Variants in POLR1A observed in about 807,000 individuals in gnomAD.
POLR1A encodes RNA polymerase I subunit A, also known as DNA-directed RNA polymerase I subunit RPA1.
POLR1A carries 84 observed loss-of-function variants against 205.3 expected under a neutral mutation model. That is an observed-to-expected ratio of 0.41 (90% CI 0.34 to 0.49). The LOEUF (loss-of-function observed/expected upper bound fraction) is 0.49, where lower values mean the gene tolerates loss of function less well. Ranked by LOEUF, POLR1A falls within the 20% of genes least tolerant of loss-of-function variation. POLR1A has a pLI of 0.22. For missense variants in POLR1A, 1,645 were observed against 2,204.5 expected (o/e 0.75, Z 5.08); for synonymous variants, 799 against 863.7 (o/e 0.93, Z 1.31).
intron 28 of POLR1A, 100 bp downstream of exon 28, chr2:86,033,561 A>C: frequency 7.6e-7 from 1 of 1,317,040 alleles, no homozygotes; most frequent in Non-Finnish European, 1.1e-6. Context: ...ATGGGCCAGC[A>C]CCAGGATGGG....
rs1409698818 is a variant in POLR1A at position 86,020,753 on chromosome 2, T to A, written c.*6670A>T. 6.6e-6 allele frequency: 1 copy of A among 152,142 alleles called. No homozygotes were observed. The highest frequency in any genetic ancestry group is 1.5e-5 in the Non-Finnish European group (1 of 68,024). 9.4% of individuals were successfully genotyped at this position (152,142 alleles called of 1,614,324 possible). On this transcript the variant is annotated 3_prime_UTR_variant, in exon 34 of 34. Transcript: ENST00000263857. Reference sequence around the variant, plus strand: ...TCCTGTGGACTGTAGTTTAGCAGCATCTCTAGCCTCCACTCCCTAGATGCC... The same window carrying A: ...TCCTGTGGACTGTAGTTTAGCAGCAACTCTAGCCTCCACTCCCTAGATGCC...
rs1673436658 is a variant in POLR1A at position 86,083,182 on chromosome 2, G to A, written c.731-14C>T. On this transcript the variant is annotated splice_polypyrimidine_tract_variant and intron_variant, in intron 6 of 33. Coordinates refer to ENST00000263857, the MANE Select transcript of POLR1A (RefSeq NM_015425.6). ...CTTCCTCAATTCCTGGAGCCAAGGA[G>A]GAGAATCAAAGTGCAATAAATCAGA... 2 of 1,591,732 alleles carry A rather than the reference G, an allele frequency of 1.3e-6. No individual in the cohort carries two copies. The highest frequency in any genetic ancestry group is 8.6e-7 in the Non-Finnish European group (1 of 1,159,764).
rs184371055 is a variant in POLR1A at position 86,024,626 on chromosome 2, G to A, written c.*2797C>T. The A allele has an allele frequency of 6.6e-6, 1 of 152,332 alleles. No homozygotes were observed. The highest frequency in any genetic ancestry group is 6.5e-5 in the Admixed American group (1 of 15,290). The allele number at this position is 152,332 out of a possible 1,614,324, so 9.4% of individuals were successfully genotyped here. On this transcript the variant is annotated 3_prime_UTR_variant, in exon 34 of 34. Coordinates refer to ENST00000263857, the MANE Select transcript of POLR1A (RefSeq NM_015425.6). ...AAAAAATTAACTGGCCAGGCACGGT[G>A]GCTCACACCACCCAGCACTTTGGGA...
At chr2:86,027,761 C>T (rs765954021) in intron 33 of POLR1A, 124 bp downstream of exon 33, 92 of 1,148,754 alleles carry the variant, frequency 8.0e-5, no homozygotes, top group African/African-American at 2.3e-4. Context: ...CAGCCGCCCC[C>T]GCTCCCCTCA....
At chr2:86,035,095 T>G (rs1672470732) in intron 27 of POLR1A, among the ~76,000 whole-genome samples, 1 of 152,230 alleles carries the variant, frequency 6.6e-6, no homozygotes, top group Admixed American at 6.5e-5. Flanking sequence ...GATTGTGGAC[T>G]CCTGACCTCA....
At chr2:86,061,237 A>C (rs1222208790) in intron 14 of POLR1A, among the ~76,000 whole-genome samples, 1 of 152,226 alleles carries the variant, frequency 6.6e-6, no homozygotes, top group Non-Finnish European at 1.5e-5. Context: ...ACCTAAGGTC[A>C]GGAGTTTGAG....
At chr2:86,054,603 G>A (rs933145988) in intron 14 of POLR1A, among the ~76,000 whole-genome samples, 1 of 152,180 alleles carries the variant, frequency 6.6e-6, no homozygotes, top group African/African-American at 2.4e-5. Flanking sequence ...ATAGACCAAA[G>A]GAAGGAGAGG....
intron 3 of POLR1A, among the ~76,000 whole-genome samples, chr2:86,091,066 C>G (rs566812799): frequency 6.6e-6 from 1 of 152,188 alleles, no homozygotes; most frequent in East Asian, 1.9e-4. Context: ...ACATAGTAAG[C>G]CGGAACACAA....
chr2:86,075,154 A>G lies in POLR1A; in HGVS notation c.1487T>C (p.Met496Thr), dbSNP rs1418033904. The change falls in exon 12 of 34, where the codon ATG (methionine) becomes ACG (threonine). Residue 496 changes from methionine (M) to threonine (T), a missense_variant. By Grantham distance (81) the Met-to-Thr change is moderately conservative (BLOSUM62 -1). Transcript: ENST00000263857. ...GCGGCTGCCGTCCTCATTGATGACC[A>G]TGGAGGCTCCTGGGTGCACATTAGG... is the stretch of plus-strand genomic sequence containing the variant. ...NGPNVHPGASMVINEDGSRTA... is the reference protein window; with the variant it reads ...NGPNVHPGASTVINEDGSRTA... The G allele has an allele frequency of 6.2e-7, 1 of 1,613,580 alleles. No homozygotes were observed. The highest frequency in any genetic ancestry group is 8.5e-7 in the Non-Finnish European group (1 of 1,179,842).
At chr2:86,074,836 T>C (rs983375213) in intron 12 of POLR1A, among the ~76,000 whole-genome samples, 194 bp downstream of exon 12, 5 of 152,152 alleles carry the variant, frequency 3.3e-5, no homozygotes, top group Non-Finnish European at 5.9e-5. Flanking sequence ...CTTTGAGTAG[T>C]CCTGTTTAAG....
At chr2:86,068,673 G>T (rs1188743353) in intron 13 of POLR1A, among the ~76,000 whole-genome samples, 3 of 152,038 alleles carry the variant, frequency 2.0e-5, no homozygotes, top group Non-Finnish European at 4.4e-5. Flanking sequence ...AAGTAATCTG[G>T]GTAGGCCCTT....
intron 14 of POLR1A, among the ~76,000 whole-genome samples, chr2:86,064,402 A>G (rs1435768826): frequency 6.6e-6 from 1 of 152,164 alleles, no homozygotes; most frequent in Non-Finnish European, 1.5e-5. Context: ...CAGCAGAAGA[A>G]CATATTTTAC....
Position 86,052,944 on chromosome 2 carries a change from C to G in POLR1A, c.2265G>C (p.Gly755=). ...LCGVLDKAHY[G]SSAYGLVHCC... ...AGTGGACCAGGCCGTAGGCGGAGCT[C>G]CCATAGTGCGCCTTGTCCAGCACTC... The change falls in exon 16 of 34, where the codon GGG becomes GGC. Residue 755 remains glycine, a synonymous_variant. Transcript: ENST00000263857. The G allele has an allele frequency of 6.2e-7, 1 of 1,608,880 alleles. No individual in the cohort carries two copies. Among genetic ancestry groups the G allele is most frequent in the South Asian group, 1.1e-5 (1 of 90,606 alleles).
intron 16 of POLR1A, among the ~76,000 whole-genome samples, chr2:86,051,869 G>A (rs10153790): frequency 1.3e-5 from 2 of 152,302 alleles, no homozygotes; most frequent in South Asian, 4.1e-4. Context: ...TGCAAACAAG[G>A]TAGTTCCTCT....
intron 4 of POLR1A, among the ~76,000 whole-genome samples, chr2:86,089,556 T>C (rs1673564431): frequency 6.6e-6 from 1 of 152,242 alleles, no homozygotes; most frequent in African/African-American, 2.4e-5. Flanking sequence ...CTGCCATTTT[T>C]TAAGAAGAGG....
At chr2:86,084,252 C>T (rs1438132390) in intron 6 of POLR1A, among the ~76,000 whole-genome samples, 3 of 151,792 alleles carry the variant, frequency 2.0e-5, no homozygotes, top group South Asian at 2.1e-4. Context: ...GGCAACAGAG[C>T]GAGACTCCGT....
chr2:86,072,160 G>A (rs1673189676), intron 12 of POLR1A, among the ~76,000 whole-genome samples: 1 of 152,172 alleles, frequency 6.6e-6, no homozygotes, highest in South Asian at 2.1e-4. Context: ...ACCCTCAAGT[G>A]CTACAAAGCA....
chr2:86,068,387 G>GGGGGGGGC (rs1553436029), intron 13 of POLR1A, among the ~76,000 whole-genome samples: 2 of 26,790 alleles, frequency 7.5e-5, no homozygotes, highest in African/African-American at 1.7e-4. Flanking sequence ...GCACATGGGC[G>GGGGGGGGC]GGGGGGGGGG....
At position 86,050,671 on chromosome 2, in the gene POLR1A, T is replaced by C. The variant is rs111710272; in HGVS notation, c.2393-1429A>G. Among the ~76,000 whole-genome samples, 1,145 of 152,354 alleles carry C rather than the reference T, an allele frequency of 7.5e-3. 8 individuals carry two copies. The highest frequency in any genetic ancestry group is 0.013 in the Non-Finnish European group (875 of 68,026). ...AAGCCTGGCACCTTTGTTAAGTTTG[T>C]TCCTCATCATGAGCTGGGTGTGGGA... is the stretch of plus-strand genomic sequence containing the variant. On this transcript the variant is annotated intron_variant, in intron 16 of 33. Coordinates refer to ENST00000263857, the MANE Select transcript of POLR1A (RefSeq NM_015425.6).
Sources: gnomAD v4.1 joint callset for allele counts (sites outside exome capture counted in the v4.1 genomes callset) on GRCh38, gnomAD v4.1.1 for gene constraint, MANE v1.5 for transcripts, NCBI Gene and HGNC (gene_info 2026-07-23, HGNC 2026-07-21) for gene names.